The following UBE4B variants were observed in gnomAD, a reference collection of about 807,000 sequenced individuals.
UBE4B encodes ubiquitination factor E4B, also known as ubiquitin conjugation factor E4 B.
UBE4B carries 27 observed loss-of-function variants against 148.1 expected under a neutral mutation model. The observed-to-expected ratio is 0.18, with a 90% CI of 0.13 to 0.25. The LOEUF is 0.25. Among genes scored for constraint, UBE4B ranks in the 10% least tolerant of loss-of-function variants. The pLI is 1.00. For synonymous variants in UBE4B, 596 were observed against 619.3 expected (o/e 0.96, Z 0.56); for missense variants, 1,170 against 1,662.4 (o/e 0.70, Z 5.15).
intron 1 of UBE4B, among the ~76,000 whole-genome samples, chr1:10,038,192 A>G (rs1643614427): frequency 6.6e-6 from 1 of 151,584 alleles, no homozygotes; most frequent in Non-Finnish European, 1.5e-5. Flanking sequence ...AGGCAGGAGA[A>G]TTGCTTGAAC....
chr1:10,121,654 A>G (rs975541919), intron 9 of UBE4B, among the ~76,000 whole-genome samples: 1 of 152,114 alleles, frequency 6.6e-6, no homozygotes, highest in South Asian at 2.1e-4. Context: ...TCAGCCTGCC[A>G]AAGTGCTGGT....
chr1:10,115,823 G>A (rs1283201475), intron 7 of UBE4B, among the ~76,000 whole-genome samples: 1 of 152,158 alleles, frequency 6.6e-6, no homozygotes, highest in East Asian at 1.9e-4. Flanking sequence ...GCATGTTAGT[G>A]TACTGAACAC....
At position 10,132,394 on chromosome 1, in the gene UBE4B, G is replaced by C; in HGVS notation, c.1937G>C (p.Ser646Thr). Reference protein sequence around the residue: ...GRQELFKILHSILLNGETREA... With the variant: ...GRQELFKILHTILLNGETREA... ...CAAGAGCTTTTTAAGATTCTGCATA[G>C]TATTTTGTTAAATGGCGAAACCCGT... The change falls in exon 15 of 28, where the codon AGT (serine) becomes ACT (threonine). Residue 646 changes from serine (S) to threonine (T), a missense_variant. Physicochemically the swap from Ser to Thr is moderately conservative, Grantham distance 58. Coordinates refer to ENST00000343090, the MANE Select transcript of UBE4B (RefSeq NM_001105562.3). 6.2e-7 allele frequency: 1 copy of C among 1,614,032 alleles called. No individual in the cohort carries two copies. The highest frequency in any genetic ancestry group is 8.5e-7 in the Non-Finnish European group (1 of 1,179,992).
chr1:10,094,854 G>A (rs1403860523), intron 2 of UBE4B, among the ~76,000 whole-genome samples: 6 of 151,122 alleles, frequency 4.0e-5, no homozygotes, highest in African/African-American at 1.5e-4. Flanking sequence ...GCGGTGGTGT[G>A]ATCTTGGCTC....
chr1:10,099,777 A>G (rs1215666064), intron 3 of UBE4B, among the ~76,000 whole-genome samples: 1 of 152,202 alleles, frequency 6.6e-6, no homozygotes, highest in Non-Finnish European at 1.5e-5. Context: ...AAATTGTCTA[A>G]CAGAACAGTA....
chr1:10,092,288 G>T (rs1174886601), intron 2 of UBE4B, among the ~76,000 whole-genome samples: 1 of 152,022 alleles, frequency 6.6e-6, no homozygotes, highest in Non-Finnish European at 1.5e-5. Flanking sequence ...GCCGTGGCAC[G>T]ATCTTGGCTC....
At chr1:10,170,717 T>C (rs531880838) in intron 24 of UBE4B, among the ~76,000 whole-genome samples, 5 of 152,338 alleles carry the variant, frequency 3.3e-5, no homozygotes, top group Admixed American at 3.3e-4. Context: ...CTTTTAACAT[T>C]TATGGGGAAA....
rs745449550 is a variant in UBE4B at position 10,149,172 on chromosome 1, T to TC, written c.2592-11dup. On this transcript the variant is annotated splice_polypyrimidine_tract_variant and intron_variant, in intron 19 of 27. Transcript: ENST00000343090. ...TTCATTTAATAAATTGTCCTTTTTT[T>TC]CTCTTTGACAGTATAACACTGCCTT... 6 of 1,561,238 alleles carry TC rather than the reference T, an allele frequency of 3.8e-6. No homozygotes were observed. The African/African-American group carries it at 8.3e-5, about 22-fold the overall frequency.
chr1:10,097,867 G>A (rs1248322760), intron 3 of UBE4B, among the ~76,000 whole-genome samples: 1 of 151,930 alleles, frequency 6.6e-6, no homozygotes, highest in African/African-American at 2.4e-5. Flanking sequence ...ATTTCCTCAA[G>A]CATTTGTCCT....
intron 7 of UBE4B, among the ~76,000 whole-genome samples, chr1:10,112,462 C>A (rs561858298): frequency 6.6e-6 from 1 of 152,250 alleles, no homozygotes; most frequent in East Asian, 1.9e-4. Flanking sequence ...TGCAGTGGCG[C>A]GATCTCAGCT....
At position 10,181,012 on chromosome 1, in the gene UBE4B, G is replaced by A. The variant is rs1416745498; in HGVS notation, c.*1056G>A. ...CAAACACAGCCACACGCGCACACAAGTATAAGACTTTTTGTATTACTGCTC... is the reference window on the plus strand; with the variant it reads ...CAAACACAGCCACACGCGCACACAAATATAAGACTTTTTGTATTACTGCTC... On this transcript the variant is annotated 3_prime_UTR_variant, in exon 28 of 28. Coordinates refer to ENST00000343090, the MANE Select transcript of UBE4B (RefSeq NM_001105562.3). 6.6e-6 allele frequency: 1 copy of A among 151,392 alleles called. No individual in the cohort carries two copies. The highest frequency in any genetic ancestry group is 1.9e-4 in the East Asian group (1 of 5,158). 9.4% of individuals were successfully genotyped at this position (151,392 alleles called of 1,614,324 possible).
At chr1:10,146,882 T>G (rs900835706) in intron 18 of UBE4B, 81 bp from the exon 19 acceptor site, 1 of 1,542,792 alleles carries the variant, frequency 6.5e-7, no homozygotes, top group East Asian at 2.3e-5. Flanking sequence ...TCCCATCTCC[T>G]GGCCCCAGTC....
At chr1:10,084,478 A>G (rs939108274) in intron 2 of UBE4B, among the ~76,000 whole-genome samples, 2 of 151,900 alleles carry the variant, frequency 1.3e-5, no homozygotes, top group Non-Finnish European at 2.9e-5. Flanking sequence ...ACCAGTAGAG[A>G]TCGTGCCACA....
At chr1:10,055,665 A>G (rs1644152455) in intron 1 of UBE4B, among the ~76,000 whole-genome samples, 1 of 152,182 alleles carries the variant, frequency 6.6e-6, no homozygotes, top group East Asian at 1.9e-4. Context: ...CATGCCTGTA[A>G]TCCCAGCACT....
At chr1:10,048,890 A>G (rs776409767) in intron 1 of UBE4B, among the ~76,000 whole-genome samples, 1 of 152,176 alleles carries the variant, frequency 6.6e-6, no homozygotes, top group Non-Finnish European at 1.5e-5. Context: ...TGGTGAGCTT[A>G]TCTTTTTCTG....
chr1:10,141,267 G>A (rs1465727807), intron 17 of UBE4B, among the ~76,000 whole-genome samples: 1 of 152,154 alleles, frequency 6.6e-6, no homozygotes, highest in African/African-American at 2.4e-5. Context: ...ATCTTGAGGT[G>A]GGGAGATTAT....
intron 1 of UBE4B, among the ~76,000 whole-genome samples, chr1:10,053,175 GTC>G (rs897014062): frequency 5.3e-5 from 8 of 151,960 alleles, no homozygotes; most frequent in African/African-American, 9.7e-5. Flanking sequence ...TTGAGTCGGA[GTC>G]TCTCTCTGTT....
At chr1:10,148,225 CAA>C (rs371861742) in intron 19 of UBE4B, among the ~76,000 whole-genome samples, 10 of 121,596 alleles carry the variant, frequency 8.2e-5, no homozygotes, top group East Asian at 2.4e-4. Context: ...GACTCCATCT[CAA>C]AAAAAAAAAA....
At chr1:10,151,704 G>A (rs1022602896) in intron 21 of UBE4B, 143 bp downstream of exon 21, 5 of 715,150 alleles carry the variant, frequency 7.0e-6, no homozygotes, top group Non-Finnish European at 1.2e-5. Context: ...GCCTGCAGAG[G>A]ATGTACTTTT....
Sources: gnomAD v4.1 joint callset for allele counts (sites outside exome capture counted in the v4.1 genomes callset) on GRCh38, gnomAD v4.1.1 for gene constraint, MANE v1.5 for transcripts, NCBI Gene and HGNC (gene_info 2026-07-23, HGNC 2026-07-21) for gene names.